Variants in TMEM131 observed in about 807,000 individuals in gnomAD.
TMEM131 encodes the protein transmembrane protein 131, also known as 2610524E03Rik.
In TMEM131, 66 loss-of-function variants were observed where a neutral mutation model predicts 211.6. That is an observed-to-expected ratio of 0.31 (90% CI 0.26 to 0.38). The LOEUF is 0.38. Ranked by LOEUF, TMEM131 falls within the 10% of genes least tolerant of loss-of-function variation. The pLI, the probability that TMEM131 is intolerant of heterozygous loss-of-function variation, is 1.00. For synonymous variants in TMEM131, 844 were observed against 841.3 expected (o/e 1.00, Z -0.06); for missense variants, 2,036 against 2,299.3 (o/e 0.89, Z 2.34).
At chr2:97,913,334 T>C (rs992986907) in intron 2 of TMEM131, among the ~76,000 whole-genome samples, 2 of 152,220 alleles carry the variant, frequency 1.3e-5, no homozygotes, top group Non-Finnish European at 2.9e-5. Context: ...TGTAATAACA[T>C]CTCCTTGCCT....
Position 97,802,730 on chromosome 2 carries a change from A to G in TMEM131, c.2463T>C (p.Thr821=). 6.3e-7 allele frequency: 1 copy of G among 1,584,694 alleles called. No homozygotes were observed. Among genetic ancestry groups the G allele is most frequent in the Non-Finnish European group, 8.5e-7 (1 of 1,170,538 alleles). Residue 821 remains threonine, a synonymous_variant, in exon 23 of 41, where the codon ACT becomes ACC. Transcript: ENST00000186436. ...DLQKNIISKI[T]AELSWPSILS... ...GTATGGAAGGCCAGGAGAGCTCAGC[A>G]GTGATTTTTGATATTATATTTTTTT...
chr2:97,834,551 A>G, intron 10 of TMEM131, 70 bp downstream of exon 10: 3 of 1,140,970 alleles, frequency 2.6e-6, no homozygotes, highest in Non-Finnish European at 3.7e-6. Context: ...TAGTAGAGCC[A>G]TTCAGCACTG....
At chr2:97,984,198 A>G (rs989581952) in intron 1 of TMEM131, among the ~76,000 whole-genome samples, 1 of 152,224 alleles carries the variant, frequency 6.6e-6, no homozygotes, top group African/African-American at 2.4e-5. Context: ...TACCAATTAC[A>G]TAATAGTTTA....
intron 12 of TMEM131, among the ~76,000 whole-genome samples, chr2:97,817,124 A>G (rs114073454): frequency 0.013 from 1,905 of 152,302 alleles, 19 homozygotes; most frequent in Non-Finnish European, 0.022. Context: ...CTACGATCTC[A>G]GAAGAACCAA....
chr2:97,766,152 G>A lies in TMEM131; in HGVS notation c.4685C>T (p.Pro1562Leu), dbSNP rs772960902. ...SSEGEKDSPP[P>L]EWDSVPVHKP... ...GTGAACTGGAACGGAATCCCACTCC[G>A]GTGGAGGAGAGTCTTTTTCACCCTC... The change falls in exon 35 of 41, where the codon CCG becomes CTG. Residue 1562 changes from proline (P) to leucine (L), a missense_variant. By Grantham distance (98) the Pro-to-Leu change is moderately conservative. Around this residue, in one of 3 missense-constraint regions of TMEM131, gnomAD observed 1,623 missense variants for 1,805.9 expected, o/e 0.90. Coordinates refer to ENST00000186436, the MANE Select transcript of TMEM131 (RefSeq NM_015348.2). The A allele has an allele frequency of 4.2e-5, 67 of 1,613,924 alleles. No homozygotes were observed. The highest frequency in any genetic ancestry group is 1.1e-4 in the African/African-American group (8 of 74,942).
Position 97,943,032 on chromosome 2 carries a change from A to AAAGAAAG in TMEM131, c.188-15546_188-15545insCTTTCTT, listed in dbSNP as rs1274591919. Among the ~76,000 whole-genome samples the AAAGAAAG allele has an allele frequency of 3.6e-4, 17 of 47,316 alleles. No homozygotes were observed. The East Asian group carries it at 6.0e-3, about 17-fold the overall frequency. 31.0% of individuals were successfully genotyped at this position (47,316 alleles called of 152,430 possible). On this transcript the variant is annotated intron_variant, in intron 1 of 40. Coordinates refer to ENST00000186436, the MANE Select transcript of TMEM131 (RefSeq NM_015348.2). The stretch of plus-strand genomic sequence containing the variant: ...GAAAGAAAAGAAAAGAAAAGAAAAG[A>AAAGAAAG]AAAGAAAAGAAAGAAAGAAAGAAAG...
At chr2:97,793,288 G>C (rs897451436) in intron 30 of TMEM131, 107 bp downstream of exon 30, 1 of 1,231,582 alleles carries the variant, frequency 8.1e-7, no homozygotes, top group South Asian at 1.6e-5. Context: ...TCAGAATTAA[G>C]ATTTTTTTTC....
At chr2:97,846,663 A>T (rs890067407) in intron 5 of TMEM131, among the ~76,000 whole-genome samples, 1 of 152,130 alleles carries the variant, frequency 6.6e-6, no homozygotes, top group African/African-American at 2.4e-5. Flanking sequence ...TTAAAACATT[A>T]AGTTTTTTGG....
chr2:97,961,917 C>T (rs761894143), intron 1 of TMEM131, among the ~76,000 whole-genome samples: 31 of 152,092 alleles, frequency 2.0e-4, no homozygotes, highest in Non-Finnish European at 3.5e-4. Context: ...TGTTCTATTC[C>T]CTATTGCAAT....
At chr2:97,931,074 A>G (rs1677199144) in intron 1 of TMEM131, among the ~76,000 whole-genome samples, 2 of 151,932 alleles carry the variant, frequency 1.3e-5, no homozygotes, top group African/African-American at 4.9e-5. Context: ...TTTTCAAAAT[A>G]AACTTTACAG....
At chr2:97,871,470 G>C (rs1399570685) in intron 4 of TMEM131, among the ~76,000 whole-genome samples, 1 of 152,168 alleles carries the variant, frequency 6.6e-6, no homozygotes, top group African/African-American at 2.4e-5. Flanking sequence ...ACATTGTCTG[G>C]GAGATCATAA....
intron 22 of TMEM131, among the ~76,000 whole-genome samples, chr2:97,803,872 C>CT (rs1203190236): frequency 6.6e-6 from 1 of 152,164 alleles, no homozygotes. Context: ...CTTGCTTGTC[C>CT]TTTATAATGT....
chr2:97,989,149 C>T (rs1680155349), intron 1 of TMEM131, among the ~76,000 whole-genome samples: 1 of 151,716 alleles, frequency 6.6e-6, no homozygotes, highest in Admixed American at 6.6e-5. Flanking sequence ...TTGAAGAAAA[C>T]AGGCTATTTA....
chr2:97,759,751 TA>T lies in TMEM131; in HGVS notation c.5109-3del. 3.1e-6 allele frequency: 5 copies of T among 1,610,608 alleles called. No individual in the cohort carries two copies. The South Asian group carries it at 4.4e-5, about 14-fold the overall frequency. ...CTGACGGGACTCCACAAACCCGAGC[TA>T]AATGTTACAAGAGGAAAACGCAACA... On this transcript the variant is annotated splice_polypyrimidine_tract_variant and splice_region_variant and intron_variant, in intron 38 of 40. Coordinates refer to ENST00000186436, the MANE Select transcript of TMEM131 (RefSeq NM_015348.2).
chr2:97,802,566 A>C (rs1281605180), intron 23 of TMEM131, 29 bp from the exon 24 acceptor site: 27 of 1,600,320 alleles, frequency 1.7e-5, no homozygotes, highest in Non-Finnish European at 2.0e-5. Context: ...ACATTAAATG[A>C]AAGATTTCTA....
chr2:97,995,818 C>G lies in TMEM131; in HGVS notation c.-156G>C. The G allele has an allele frequency of 2.8e-6, 1 of 356,870 alleles. No homozygotes were observed. Among genetic ancestry groups the G allele is most frequent in the East Asian group, 6.7e-5 (1 of 14,822 alleles). 22.1% of individuals were successfully genotyped at this position (356,870 alleles called of 1,614,324 possible). ...TCGATCTCCGAGCGTGGGCCTGGGTCCGTGCGTGCGTGTGAGCGAGAGTGT... is the reference window on the plus strand; with the variant it reads ...TCGATCTCCGAGCGTGGGCCTGGGTGCGTGCGTGCGTGTGAGCGAGAGTGT... On this transcript the variant is annotated 5_prime_UTR_variant, in exon 1 of 41. Transcript: ENST00000186436.
intron 4 of TMEM131, among the ~76,000 whole-genome samples, chr2:97,878,428 T>A (rs1472774663): frequency 6.6e-6 from 1 of 152,136 alleles, no homozygotes; most frequent in African/African-American, 2.4e-5. Flanking sequence ...CTATTCACAA[T>A]AGCAAAGACT....
At chr2:97,790,397 G>C (rs1462286605) in intron 31 of TMEM131, among the ~76,000 whole-genome samples, 2 of 152,226 alleles carry the variant, frequency 1.3e-5, no homozygotes, top group Non-Finnish European at 2.9e-5. Flanking sequence ...AGCCGCGCCT[G>C]CAAAGCTTCT....
intron 22 of TMEM131, among the ~76,000 whole-genome samples, chr2:97,804,008 G>A (rs1018241226): frequency 6.6e-6 from 1 of 152,050 alleles, no homozygotes; most frequent in African/African-American, 2.4e-5. Context: ...ACTTTCTTTT[G>A]CCTTAAGAAA....
Sources: allele counts gnomAD v4.1 joint callset (sites outside exome capture counted in the v4.1 genomes callset), GRCh38; gene constraint gnomAD v4.1.1; regional missense constraint gnomAD v4.1.1; transcripts MANE v1.5; gene names NCBI Gene and HGNC (gene_info 2026-07-23, HGNC 2026-07-21).